ATP11A: variants seen among roughly 807,000 people sequenced by gnomAD.
ATP11A encodes phospholipid-transporting ATPase IH.
ATP11A carries 81 observed loss-of-function variants against 154.4 expected under a neutral mutation model. That is an observed-to-expected ratio of 0.52 (90% confidence interval 0.44 to 0.63). ATP11A has a LOEUF of 0.63. ATP11A is among the 30% of genes least tolerant of loss of function. The pLI, the probability that ATP11A is intolerant of heterozygous loss-of-function variation, is 0.00. For missense variants in ATP11A, 1,316 were observed against 1,474.3 expected, an observed-to-expected ratio of 0.89 and a Z score of 1.76; for synonymous variants, 623 against 585.9, an observed-to-expected ratio of 1.06 and a Z score of -0.91.
intron 1 of ATP11A, among the ~76,000 whole-genome samples, chr13:112,702,723 C>T (rs574803371): frequency 8.6e-6 from 1 of 116,584 alleles, no homozygotes; most frequent in East Asian, 3.4e-4. Flanking sequence ...TTGTCTAACA[C>T]GTGTGCATGA....
intron 1 of ATP11A, among the ~76,000 whole-genome samples, chr13:112,749,583 G>A (rs2076641825): frequency 6.6e-6 from 1 of 152,176 alleles, no homozygotes; most frequent in Admixed American, 6.5e-5. Flanking sequence ...ACTGAACCTA[G>A]ATATTAATCA....
intron 15 of ATP11A, among the ~76,000 whole-genome samples, chr13:112,835,157 T>A (rs914987543): frequency 6.6e-6 from 1 of 152,006 alleles, no homozygotes; most frequent in East Asian, 1.9e-4. Context: ...TTGGATTGTT[T>A]TACTTTTCAT....
chr13:112,881,776 G>C (rs756403511), intron 29 of ATP11A, 100 bp from the exon 30 acceptor site: 2 of 1,358,458 alleles, frequency 1.5e-6, no homozygotes, highest in East Asian at 4.6e-5. Flanking sequence ...AGCCCCGTGG[G>C]TATCCCTGAG....
Position 112,785,300 on chromosome 13 carries a change from G to A in ATP11A, c.162+43G>A, listed in dbSNP as rs749139111. The stretch of plus-strand genomic sequence containing the variant: ...TGAGTGTCCATAATGTGTCTAAAAA[G>A]CAGCTGCCGGGGGGTGTTAGTGCTT... On this transcript the variant is annotated intron_variant, in intron 2 of 29. Coordinates refer to ENST00000375645, the MANE Select transcript of ATP11A (RefSeq NM_015205.3). This position sits in a 1 kb window ranked among gnomAD's most constrained non-coding sequence, Gnocchi z 4.8. The A allele has an allele frequency of 2.9e-6, 4 of 1,391,486 alleles. No homozygotes were observed. The African/African-American group carries it at 6.0e-5, about 21-fold the overall frequency. 86.2% of individuals were successfully genotyped at this position (1,391,486 alleles called of 1,614,324 possible).
intron 2 of ATP11A, among the ~76,000 whole-genome samples, chr13:112,788,418 C>G (rs2077723278): frequency 6.7e-6 from 1 of 148,946 alleles, no homozygotes; most frequent in African/African-American, 2.5e-5. Context: ...TTGCGGAGAC[C>G]TACTTAATTC....
Position 112,875,968 on chromosome 13 carries a change from G to T in ATP11A, c.3327+27G>T. On this transcript the variant is annotated intron_variant, in intron 28 of 29. Coordinates refer to ENST00000375645, the MANE Select transcript of ATP11A (RefSeq NM_015205.3). This position sits in a 1 kb window ranked among gnomAD's most constrained non-coding sequence, Gnocchi z 4.1. ...TACGGAGTGTCCCCAGCCGGGGCGG[G>T]GGTGCCTCAGGGCCCTGGCCTTAGG... 2.5e-6 allele frequency: 4 copies of T among 1,595,082 alleles called. No individual in the cohort carries two copies. The highest frequency in any genetic ancestry group is 3.4e-6 in the Non-Finnish European group (4 of 1,173,152).
rs1275931752 is a variant in ATP11A, at chr13:112,753,214, CCT to C, written c.40-31920_40-31919del. ...TGTCTGCACAGCTGCGTGATGTTCC[CCT>C]GTGGACTCAACCTCCCCCGCCCCTG... On this transcript the variant is annotated intron_variant, in intron 1 of 29. Coordinates refer to ENST00000375645, the MANE Select transcript of ATP11A (RefSeq NM_015205.3). The surrounding 1 kb of genome is among the most constrained non-coding windows in gnomAD (Gnocchi z 4.1). 1.3e-5 allele frequency among the ~76,000 whole-genome samples: 2 copies of C among 152,158 alleles called. No individual in the cohort carries two copies. The highest frequency in any genetic ancestry group is 6.5e-5 in the Admixed American group (1 of 15,278).
At chr13:112,816,040 G>A (rs750839376) in intron 5 of ATP11A, 43 bp from the exon 6 acceptor site, 39 of 1,611,602 alleles carry the variant, frequency 2.4e-5, no homozygotes, top group African/African-American at 4.0e-5. Flanking sequence ...AAGCTTTCAC[G>A]GAGGGGCTTT....
In ATP11A at chr13:112,856,421, A is replaced by G. The variant is rs114419956; in HGVS notation, c.2418+336A>G. The G allele has an allele frequency of 4.1e-3, 766 of 185,748 alleles. 8 individuals carry two copies. The highest frequency in any genetic ancestry group is 0.016 in the African/African-American group (662 of 42,688). The allele number at this position is 185,748 out of a possible 1,614,324, so 11.5% of individuals were successfully genotyped here. A position where few individuals can be genotyped will look rare whatever the true frequency, so the allele number is the denominator to read the frequency against. On this transcript the variant is annotated intron_variant, in intron 20 of 29. Coordinates refer to ENST00000375645, the MANE Select transcript of ATP11A (RefSeq NM_015205.3). ...AAAGGTGTAAGGGAAGGGAGCTGAC[A>G]TTACTGAGCACCTAGTGTGTGCCTC...
intron 1 of ATP11A, among the ~76,000 whole-genome samples, chr13:112,740,160 A>ATCTC (rs1566408962): frequency 1.0e-4 from 15 of 149,274 alleles, no homozygotes; most frequent in African/African-American, 3.7e-4. Context: ...ATATATATAT[A>ATCTC]TATATATATA....
At chr13:112,816,292 ACATC>A (rs2078644561) in intron 6 of ATP11A, 81 bp downstream of exon 6, 1 of 1,571,694 alleles carries the variant, frequency 6.4e-7, no homozygotes, top group Non-Finnish European at 8.7e-7. Context: ...ACAGAAACTA[ACATC>A]CTGTTTGAAA....
At chr13:112,755,297 T>C (rs1367589689) in intron 1 of ATP11A, among the ~76,000 whole-genome samples, 2 of 150,982 alleles carry the variant, frequency 1.3e-5, no homozygotes, top group Non-Finnish European at 2.9e-5. Flanking sequence ...TCGTGTCTTC[T>C]GCTTTCCATT....
chr13:112,837,115 C>A (rs776217871), intron 16 of ATP11A, among the ~76,000 whole-genome samples: 1 of 152,252 alleles, frequency 6.6e-6, no homozygotes, highest in Non-Finnish European at 1.5e-5. Flanking sequence ...TTGCCCTGGA[C>A]AGGCAGGGCC....
intron 2 of ATP11A, among the ~76,000 whole-genome samples, chr13:112,803,894 T>TCCTTCCCTCCTTCACCTCCCTCCC (rs2078223445): frequency 1.2e-5 from 1 of 86,596 alleles, no homozygotes; most frequent in Non-Finnish European, 2.4e-5. Context: ...CTCATTCCCC[T>TCCTTCCCTCCTTCACCTCCCTCCC]CCTTCCCTCC....
At position 112,785,737 on chromosome 13, in the gene ATP11A, C is replaced by T. The variant is rs146514636; in HGVS notation, c.162+480C>T. On this transcript the variant is annotated intron_variant, in intron 2 of 29. Coordinates refer to ENST00000375645, the MANE Select transcript of ATP11A (RefSeq NM_015205.3). This position sits in a 1 kb window ranked among gnomAD's most constrained non-coding sequence, Gnocchi z 4.8. ...TTCACGAGGTGCAGCCCAGGTAAAG[C>T]GTAGGAAGCACAAGCAGAGTGCCGC... Among the ~76,000 whole-genome samples the T allele has an allele frequency of 5.9e-5, 9 of 152,258 alleles. No individual in the cohort carries two copies. Among genetic ancestry groups the T allele is most frequent in the South Asian group, 2.1e-4 (1 of 4,830 alleles).
intron 1 of ATP11A, among the ~76,000 whole-genome samples, chr13:112,716,815 G>A (rs1888511046): frequency 6.6e-6 from 1 of 152,218 alleles, no homozygotes; most frequent in Admixed American, 6.5e-5. Context: ...GGGTAGGTCG[G>A]GGAGGCTGCT....
chr13:112,815,266 C>T (rs2078612437), intron 5 of ATP11A, among the ~76,000 whole-genome samples: 1 of 149,298 alleles, frequency 6.7e-6, no homozygotes, highest in Admixed American at 6.7e-5. Flanking sequence ...CCTTCAGACA[C>T]ACAGTCCAGA....
chr13:112,711,920 C>G (rs282571), intron 1 of ATP11A, among the ~76,000 whole-genome samples: 126,604 of 152,214 alleles, frequency 0.83, 53,127 homozygotes, highest in East Asian at 0.96. Flanking sequence ...AGATAAGGAG[C>G]GGGTGGAGGG....
intron 3 of ATP11A, among the ~76,000 whole-genome samples, chr13:112,805,253 G>C (rs2078288936): frequency 6.6e-6 from 1 of 152,196 alleles, no homozygotes; most frequent in Admixed American, 6.5e-5. Context: ...CGCTACTTTG[G>C]GTTTAAGTTG....
Sources: allele counts gnomAD v4.1 joint callset (sites outside exome capture counted in the v4.1 genomes callset), GRCh38; gene constraint gnomAD v4.1.1; non-coding constraint Gnocchi (gnomAD v3.1); transcripts MANE v1.5; gene names NCBI Gene and HGNC (gene_info 2026-07-23, HGNC 2026-07-21).